ARHGEF10: variants seen among roughly 807,000 people sequenced by gnomAD.
ARHGEF10 encodes Rho guanine nucleotide exchange factor (GEF) 10.
ARHGEF10 carries 140 observed loss-of-function variants against 147.4 expected under a neutral mutation model. That is an observed-to-expected ratio of 0.95 (90% CI 0.83 to 1.09). ARHGEF10 has a LOEUF of 1.09. Ranked by LOEUF, ARHGEF10 falls within the 50% of genes least tolerant of loss-of-function variation. The pLI is 0.00. For missense variants in ARHGEF10, 2,222 were observed against 1,752.7 expected, an observed-to-expected ratio of 1.27 and a Z score of -4.78; for synonymous variants, 902 against 695.8, an observed-to-expected ratio of 1.30 and a Z score of -4.67.
At chr8:1,868,025 A>G (rs566826657) in intron 6 of ARHGEF10, among the ~76,000 whole-genome samples, 3 of 152,272 alleles carry the variant, frequency 2.0e-5, no homozygotes, top group South Asian at 4.1e-4. Context: ...TTTTTTTCTC[A>G]TTACTCATTT....
intron 27 of ARHGEF10, among the ~76,000 whole-genome samples, chr8:1,947,987 T>C (rs1413548504): frequency 1.3e-5 from 2 of 151,940 alleles, no homozygotes; most frequent in Non-Finnish European, 2.9e-5. Context: ...GCTGCTCAGG[T>C]CGCAGGTTCT....
At position 1,937,122 on chromosome 8, in the gene ARHGEF10, G is replaced by A. The variant is rs746568912; in HGVS notation, c.3222+3180G>A. Among the ~76,000 whole-genome samples, 1 of 152,166 alleles carries A rather than the reference G, an allele frequency of 6.6e-6. No homozygotes were observed. The highest frequency in any genetic ancestry group is 2.4e-5 in the African/African-American group (1 of 41,416). ...TGCTAGACAGGAACAGAAAATAGCT[G>A]GACAGGGAGGTTGGGGTACATGTTA... On this transcript the variant is annotated intron_variant, in intron 26 of 28. Coordinates refer to ENST00000349830, the MANE Select transcript of ARHGEF10 (RefSeq NM_014629.4). This position sits in a 1 kb window ranked among gnomAD's most constrained non-coding sequence, Gnocchi z 4.9.
intron 28 of ARHGEF10, among the ~76,000 whole-genome samples, chr8:1,953,124 A>G (rs564393674): frequency 1.3e-5 from 2 of 152,342 alleles, no homozygotes; most frequent in Non-Finnish European, 2.9e-5. Context: ...GGAAGCCGGG[A>G]TCTCCGTTGT....
intron 26 of ARHGEF10, among the ~76,000 whole-genome samples, chr8:1,938,099 A>G (rs1813770568): frequency 1.3e-5 from 2 of 152,198 alleles, no homozygotes; most frequent in South Asian, 4.1e-4. Context: ...CATGCCATGG[A>G]CGCTGAGCTG....
chr8:1,849,729 A>G (rs1478092851), intron 2 of ARHGEF10, among the ~76,000 whole-genome samples: 33 of 146,936 alleles, frequency 2.2e-4, no homozygotes, highest in African/African-American at 7.2e-4. Context: ...ACGTGGTCAC[A>G]GACAGCAAAT....
At chr8:1,851,654 T>C (rs1332131724) in intron 2 of ARHGEF10, among the ~76,000 whole-genome samples, 5 of 152,230 alleles carry the variant, frequency 3.3e-5, no homozygotes, top group Admixed American at 1.3e-4. Context: ...GGCTCTTGCC[T>C]GTAATCCCAG....
intron 15 of ARHGEF10, among the ~76,000 whole-genome samples, chr8:1,901,512 T>C (rs1476456835): frequency 6.6e-6 from 1 of 152,234 alleles, no homozygotes; most frequent in East Asian, 1.9e-4. Flanking sequence ...CATTTGTCTT[T>C]ATCCCAGCTA....
intron 6 of ARHGEF10, among the ~76,000 whole-genome samples, chr8:1,868,981 A>T (rs1266825747): frequency 6.6e-6 from 1 of 152,052 alleles, no homozygotes; most frequent in African/African-American, 2.4e-5. Context: ...AATAATGCTT[A>T]TGCTTTGGTA....
At chr8:1,951,550 C>A (rs1027400463) in intron 27 of ARHGEF10, among the ~76,000 whole-genome samples, 1 of 152,182 alleles carries the variant, frequency 6.6e-6, no homozygotes, top group Non-Finnish European at 1.5e-5. Flanking sequence ...GATACGGAGT[C>A]TTTGGCTCTG....
chr8:1,905,211 C>G (rs1157515940), intron 16 of ARHGEF10, among the ~76,000 whole-genome samples: 1 of 152,128 alleles, frequency 6.6e-6, no homozygotes, highest in Non-Finnish European at 1.5e-5. Context: ...TTCTGAAGAA[C>G]TGATGGTTTT....
chr8:1,852,198 G>A (rs1805208233), intron 2 of ARHGEF10, among the ~76,000 whole-genome samples: 1 of 152,118 alleles, frequency 6.6e-6, no homozygotes, highest in African/African-American at 2.4e-5. Context: ...TGTCCTGCGG[G>A]CCCTCTAGAA....
At chr8:1,902,388 A>G (rs977601617) in intron 15 of ARHGEF10, among the ~76,000 whole-genome samples, 5 of 152,346 alleles carry the variant, frequency 3.3e-5, no homozygotes, top group Admixed American at 2.6e-4. Flanking sequence ...TGTGATTGGC[A>G]GCAGTGCGTC....
chr8:1,956,790 A>C lies in ARHGEF10; in HGVS notation c.3562A>C (p.Lys1188Gln), dbSNP rs1051166016. Residue 1188 changes from lysine (K) to glutamine (Q), a missense_variant, in exon 29 of 29, where the codon AAA becomes CAA. By Grantham distance (53) the Lys-to-Gln change is moderately conservative (BLOSUM62 1). Coordinates refer to ENST00000349830, the MANE Select transcript of ARHGEF10 (RefSeq NM_014629.4). ...CTACCATGCACACAACAGTCCTGTC[A>C]AATTCATCGTCCTGGCCACGGCTCT... ...VSYHAHNSPVKFIVLATALHE... is the reference protein window; with the variant it reads ...VSYHAHNSPVQFIVLATALHE... 3 of 1,613,954 alleles carry C rather than the reference A, an allele frequency of 1.9e-6. No individual in the cohort carries two copies. In the African/African-American group the frequency reaches 4.0e-5, roughly 22 times the overall value.
chr8:1,876,478 G>T (rs371678478), intron 7 of ARHGEF10, 93 bp from the exon 8 acceptor site: 60 of 1,303,266 alleles, frequency 4.6e-5, no homozygotes, highest in Non-Finnish European at 6.3e-5. Flanking sequence ...TCCACCCCCA[G>T]CTCTAGATGA....
At chr8:1,887,165 A>T (rs2129135801) in intron 11 of ARHGEF10, among the ~76,000 whole-genome samples, 1 of 152,312 alleles carries the variant, frequency 6.6e-6, no homozygotes, top group South Asian at 2.1e-4. Context: ...AGGAACTTGG[A>T]TCCTGCACTC....
intron 11 of ARHGEF10, among the ~76,000 whole-genome samples, chr8:1,890,867 C>T (rs73671029): frequency 1.3e-5 from 2 of 152,028 alleles, no homozygotes; most frequent in African/African-American, 4.8e-5. Context: ...GGTGGATTTG[C>T]TCAGCGAATT....
In ARHGEF10 at chr8:1,898,593, G is replaced by A. The variant is rs1296133481; in HGVS notation, c.1650+68G>A. 3.8e-5 allele frequency: 57 copies of A among 1,482,068 alleles called. 1 individual carries two copies. Among genetic ancestry groups the A allele is most frequent in the East Asian group, 7.0e-5 (3 of 43,140 alleles). 91.8% of individuals were successfully genotyped at this position (1,482,068 alleles called of 1,614,324 possible). A position where few individuals can be genotyped will look rare whatever the true frequency, so the allele number is the denominator to read the frequency against. On this transcript the variant is annotated intron_variant, in intron 15 of 28. Transcript: ENST00000349830. ...CGCCCATGACTCATTTGAAAATGGC[G>A]TCTGTTCCTCCACTTTGGAATGGCT...
At chr8:1,872,669 C>T (rs1807226430) in intron 7 of ARHGEF10, among the ~76,000 whole-genome samples, 1 of 152,170 alleles carries the variant, frequency 6.6e-6, no homozygotes, top group Non-Finnish European at 1.5e-5. Context: ...GATTCAGTGA[C>T]CATCCAACAT....
chr8:1,896,214 GA>G (rs1194835649), intron 13 of ARHGEF10, 118 bp from the exon 14 acceptor site: 2 of 851,790 alleles, frequency 2.3e-6, no homozygotes, highest in African/African-American at 3.3e-5. Flanking sequence ...TTTATCTTAT[GA>G]AAACATCACA....
Sources: allele counts gnomAD v4.1 joint callset (sites outside exome capture counted in the v4.1 genomes callset), GRCh38; gene constraint gnomAD v4.1.1; non-coding constraint Gnocchi (gnomAD v3.1); transcripts MANE v1.5; gene names NCBI Gene and HGNC (gene_info 2026-07-23, HGNC 2026-07-21).